Variants in SPAG16 observed in about 807,000 individuals in gnomAD.
SPAG16 encodes the protein sperm-associated antigen 16 protein.
SPAG16 carries 86 observed loss-of-function variants against 80.4 expected under a neutral mutation model. That is an observed-to-expected ratio of 1.07 (90% CI 0.90 to 1.28). The LOEUF (loss-of-function observed/expected upper bound fraction) is 1.28, where lower values mean the gene tolerates loss of function less well. SPAG16 is among the 50% of genes most tolerant of loss of function. The probability of loss-of-function intolerance (pLI) is 0.00; values close to 1 mark genes in which losing one functional copy is unlikely to be tolerated. For missense variants in SPAG16, 870 were observed against 765.3 expected, an observed-to-expected ratio of 1.14 and a Z score of -1.61; for synonymous variants, 294 against 265.9, an observed-to-expected ratio of 1.11 and a Z score of -1.03.
chr2:213,675,199 GT>G (rs2125236450), intron 10 of SPAG16, among the ~76,000 whole-genome samples: 1 of 152,318 alleles, frequency 6.6e-6, no homozygotes, highest in Admixed American at 6.5e-5. Flanking sequence ...AGAAGTGTCT[GT>G]TCATGTCCTT....
At chr2:213,398,960 T>C (rs1014510503) in intron 9 of SPAG16, among the ~76,000 whole-genome samples, 3 of 152,204 alleles carry the variant, frequency 2.0e-5, no homozygotes, top group Non-Finnish European at 4.4e-5. Context: ...TAGATATGCA[T>C]TGATTACTAC....
intron 15 of SPAG16, among the ~76,000 whole-genome samples, chr2:214,371,529 T>C (rs1574429290): frequency 1.7e-5 from 2 of 115,808 alleles, no homozygotes; most frequent in East Asian, 4.4e-4. Flanking sequence ...CACAAATCCT[T>C]CTCAAAAAAA....
chr2:214,383,585 AAG>A, intron 15 of SPAG16, among the ~76,000 whole-genome samples: 1 of 151,826 alleles, frequency 6.6e-6, no homozygotes, highest in Non-Finnish European at 1.5e-5. Context: ...AAAAAGAAAA[AAG>A]AAAAAAAAAG....
chr2:213,830,356 G>A (rs1052247839), intron 10 of SPAG16, among the ~76,000 whole-genome samples: 7 of 152,166 alleles, frequency 4.6e-5, no homozygotes, highest in African/African-American at 1.7e-4. Flanking sequence ...ATTCACTACT[G>A]TGGGATGGGT....
intron 10 of SPAG16, among the ~76,000 whole-genome samples, chr2:213,601,987 C>G (rs2061081725): frequency 6.6e-6 from 1 of 152,198 alleles, no homozygotes; most frequent in African/African-American, 2.4e-5. Flanking sequence ...GGCACACAAG[C>G]TAGATTCCTC....
intron 10 of SPAG16, among the ~76,000 whole-genome samples, chr2:213,856,843 T>C (rs1176600570): frequency 1.5e-5 from 2 of 131,648 alleles, no homozygotes; most frequent in African/African-American, 5.2e-5. Context: ...CTCCATAACA[T>C]AAAAGTATGG....
intron 14 of SPAG16, among the ~76,000 whole-genome samples, chr2:214,138,821 C>T (rs1408011708): frequency 6.6e-6 from 1 of 152,110 alleles, no homozygotes; most frequent in Non-Finnish European, 1.5e-5. Flanking sequence ...TCTTATTGCT[C>T]CTACCTGAGC....
chr2:213,596,578 A>G (rs1559293306), intron 10 of SPAG16, among the ~76,000 whole-genome samples: 1 of 152,288 alleles, frequency 6.6e-6, no homozygotes, highest in East Asian at 1.9e-4. Flanking sequence ...CTGGAGTGCA[A>G]CAGTTTTCGT....
At chr2:213,809,674 A>G (rs978863092) in intron 10 of SPAG16, among the ~76,000 whole-genome samples, 1 of 152,054 alleles carries the variant, frequency 6.6e-6, no homozygotes, top group Non-Finnish European at 1.5e-5. Context: ...TAAAATTACA[A>G]TTAAAAAGAG....
intron 10 of SPAG16, among the ~76,000 whole-genome samples, chr2:213,642,013 A>G (rs2062611341): frequency 6.6e-6 from 1 of 152,180 alleles, no homozygotes; most frequent in Admixed American, 6.5e-5. Flanking sequence ...CACTTGATCC[A>G]ATCACCTCCT....
At position 213,572,727 on chromosome 2, in the gene SPAG16, A is replaced by G. The variant is rs571056850; in HGVS notation, c.1070+82637A>G. Among the ~76,000 whole-genome samples, 709 of 152,132 alleles carry G rather than the reference A, an allele frequency of 4.7e-3. 7 individuals carry two copies. Among genetic ancestry groups the G allele is most frequent in the African/African-American group, 0.016 (663 of 41,524 alleles). On this transcript the variant is annotated intron_variant, in intron 10 of 15. Transcript: ENST00000331683. ...CCCTGCCCCCAGAGGTGGAGCCTAC[A>G]GAGGCAGGCAGGCCTCCTTGAGCTG...
chr2:213,916,125 C>A (rs2106188834), intron 11 of SPAG16, among the ~76,000 whole-genome samples: 1 of 152,234 alleles, frequency 6.6e-6, no homozygotes, highest in Non-Finnish European at 1.5e-5. Flanking sequence ...TAATTAGATC[C>A]TATTAGTCTA....
In SPAG16 at chr2:213,862,569, T is replaced by A; in HGVS notation, c.1155T>A (p.Asn385Lys). 1.2e-6 allele frequency: 2 copies of A among 1,614,182 alleles called. No individual in the cohort carries two copies. Among genetic ancestry groups the A allele is most frequent in the Non-Finnish European group, 1.7e-6 (2 of 1,180,018 alleles). The change falls in exon 11 of 16, where the codon AAT becomes AAA. Residue 385 changes from asparagine (N) to lysine (K), a missense_variant. Physicochemically the swap from Asn to Lys is moderately conservative, Grantham distance 94. Coordinates refer to ENST00000331683, the MANE Select transcript of SPAG16 (RefSeq NM_024532.5). ...AGGTGTTGGGCCTTCCAAAATGCAA[T>A]GTGCTTCTCACGGGATTTGGCCACA... ...LWKVLGLPKC[N>K]VLLTGFGHTD... is the part of the protein sequence containing the mutation.
At chr2:213,719,973 G>A (rs1206585427) in intron 10 of SPAG16, among the ~76,000 whole-genome samples, 1 of 152,172 alleles carries the variant, frequency 6.6e-6, no homozygotes, top group Non-Finnish European at 1.5e-5. Flanking sequence ...TAAAGAAAAT[G>A]TGGCACATAT....
chr2:213,458,614 C>A (rs2072179109), intron 9 of SPAG16, among the ~76,000 whole-genome samples: 1 of 152,214 alleles, frequency 6.6e-6, no homozygotes, highest in Middle Eastern at 3.4e-3. Context: ...AGCCTATTCA[C>A]AACACATTAT....
chr2:213,710,866 G>A lies in SPAG16; in HGVS notation c.1071-151619G>A, dbSNP rs183303648. Among the ~76,000 whole-genome samples the A allele has an allele frequency of 2.0e-5, 3 of 152,252 alleles. No homozygotes were observed. The East Asian group carries it at 5.8e-4, about 29-fold the overall frequency. On this transcript the variant is annotated intron_variant, in intron 10 of 15. Transcript: ENST00000331683. ...ATAATGTAATGTGGCCATTTAATGA[G>A]TTCTAACTCATTTACTAATGAGCAT...
At chr2:213,424,335 A>G (rs916443799) in intron 9 of SPAG16, among the ~76,000 whole-genome samples, 1 of 152,236 alleles carries the variant, frequency 6.6e-6, no homozygotes, top group Non-Finnish European at 1.5e-5. Context: ...ATTTATGTGC[A>G]AGAATATGTC....
intron 10 of SPAG16, among the ~76,000 whole-genome samples, chr2:213,658,006 T>C (rs1436846197): frequency 6.6e-6 from 1 of 152,224 alleles, no homozygotes; most frequent in Non-Finnish European, 1.5e-5. Context: ...TTTTATTACT[T>C]TTCAGAATGG....
intron 14 of SPAG16, among the ~76,000 whole-genome samples, chr2:214,140,421 A>G (rs1306291361): frequency 6.6e-6 from 1 of 151,978 alleles, no homozygotes; most frequent in Non-Finnish European, 1.5e-5. Flanking sequence ...ATATTTGATG[A>G]TACTATATAT....
Sources: allele counts gnomAD v4.1 joint callset (sites outside exome capture counted in the v4.1 genomes callset), GRCh38; gene constraint gnomAD v4.1.1; transcripts MANE v1.5; gene names NCBI Gene and HGNC (gene_info 2026-07-23, HGNC 2026-07-21).